The following ZNF613 variants were observed in gnomAD, a reference collection of about 807,000 sequenced individuals.
ZNF613 encodes the protein zinc finger protein 613.
Under a neutral mutation model 14.3 loss-of-function variants are expected in ZNF613, and 8 were observed. The ratio of observed to expected loss-of-function variants is 0.56; its 90% CI spans 0.33 to 1.01. The LOEUF (loss-of-function observed/expected upper bound fraction) is 1.01. ZNF613 is among the 50% of genes least tolerant of loss of function. ZNF613 has a pLI of 0.03. For missense variants in ZNF613, 656 were observed against 741.9 expected (o/e 0.88, Z 1.35); for synonymous variants, 228 against 254.5 (o/e 0.90, Z 0.99).
At chr19:51,939,608 G>A (rs936216268) in intron 3 of ZNF613, among the ~76,000 whole-genome samples, 1 of 152,158 alleles carries the variant, frequency 6.6e-6, no homozygotes, top group Non-Finnish European at 1.5e-5. Flanking sequence ...GGGATTACAG[G>A]TGTGAGCCAC....
chr19:51,940,199 C>T lies in ZNF613; in HGVS notation c.16-10C>T, dbSNP rs1235933365. 6.2e-7 allele frequency: 1 copy of T among 1,612,912 alleles called. No individual in the cohort carries two copies. The highest frequency in any genetic ancestry group is 1.1e-5 in the South Asian group (1 of 91,058). On this transcript the variant is annotated splice_polypyrimidine_tract_variant and intron_variant, in intron 3 of 5. Transcript: ENST00000293471. ...AATACTTCATATTAAGCAGGACTCT[C>T]TTATTACAGGAATCACTGACCCTGG...
chr19:51,940,102 A>G (rs1281737190), intron 3 of ZNF613, 107 bp from the exon 4 acceptor site: 1 of 1,415,866 alleles, frequency 7.1e-7, no homozygotes, highest in Non-Finnish European at 9.8e-7. Flanking sequence ...GCACCTAGAT[A>G]TATAGATGCA....
intron 1 of ZNF613, chr19:51,927,808 G>C (rs2085227060): frequency 6.6e-6 from 1 of 152,632 alleles, no homozygotes; most frequent in Non-Finnish European, 1.5e-5. Flanking sequence ...GGAGTGAGGA[G>C]TGGTTTTTGT....
Position 51,945,005 on chromosome 19 carries a change from C to T in ZNF613, c.1122C>T (p.Cys374=), listed in dbSNP as rs781349673. The change falls in exon 6 of 6, where the codon TGC becomes TGT. Residue 374 remains cysteine, a synonymous_variant. Transcript: ENST00000293471. ...ACACAGGAGAGAAGTCATATATATG[C>T]CGTGATTGTGGAAAAGGCTTCATTC... is the stretch of plus-strand genomic sequence containing the variant. ...KAHTGEKSYI[C]RDCGKGFIQK... is the part of the protein sequence containing the mutation. The T allele has an allele frequency of 3.7e-6, 6 of 1,613,990 alleles. No homozygotes were observed. Among genetic ancestry groups the T allele is most frequent in the East Asian group, 2.2e-5 (1 of 44,890 alleles).
At position 51,945,925 on chromosome 19, in the gene ZNF613, A is replaced by C. The variant is rs531645609; in HGVS notation, c.*188A>C. ...GAGACTGGGAAATTCTTTTATGGGA[A>C]GATAGATCTTCTCATCAGTGACCAT... On this transcript the variant is annotated 3_prime_UTR_variant, in exon 6 of 6. Transcript: ENST00000293471. 2 of 619,352 alleles carry C rather than the reference A, an allele frequency of 3.2e-6. No individual in the cohort carries two copies. Among genetic ancestry groups the C allele is most frequent in the African/African-American group, 3.7e-5 (2 of 54,268 alleles). The allele number at this position is 619,352 out of a possible 1,614,324, so 38.4% of individuals were successfully genotyped here.
chr19:51,945,782 A>G lies in ZNF613; in HGVS notation c.*45A>G, dbSNP rs780512883. The G allele has an allele frequency of 6.2e-7, 1 of 1,600,128 alleles. No homozygotes were observed. The highest frequency in any genetic ancestry group is 1.3e-5 in the African/African-American group (1 of 74,406). On this transcript the variant is annotated 3_prime_UTR_variant, in exon 6 of 6. Transcript: ENST00000293471. ...AATGTGGTAGTGCTTTCAGTGATCA[A>G]TTACATCATATGTCACAAAAAACAC...
At chr19:51,940,064 A>G in intron 3 of ZNF613, 145 bp from the exon 4 acceptor site, 1 of 1,014,082 alleles carries the variant, frequency 9.9e-7, no homozygotes, top group South Asian at 1.5e-5. Flanking sequence ...TTTTGCCTCT[A>G]TGACAATGTA....
chr19:51,937,549 G>A (rs2085313471), intron 3 of ZNF613, among the ~76,000 whole-genome samples: 1 of 152,068 alleles, frequency 6.6e-6, no homozygotes, highest in African/African-American at 2.4e-5. Flanking sequence ...GTCACCTTCT[G>A]TCTAATGTCT....
At chr19:51,943,602 T>A (rs566406846) in intron 5 of ZNF613, among the ~76,000 whole-genome samples, 2 of 152,338 alleles carry the variant, frequency 1.3e-5, no homozygotes, top group South Asian at 2.1e-4. Context: ...TTTTATTATT[T>A]GTTATTGTTA....
intron 2 of ZNF613, among the ~76,000 whole-genome samples, chr19:51,931,032 T>C (rs1316464904): frequency 6.6e-6 from 1 of 152,258 alleles, no homozygotes; most frequent in Non-Finnish European, 1.5e-5. Context: ...CCATTTTTCA[T>C]GTACTTATGA....
At chr19:51,940,805 G>A (rs2085343132) in intron 5 of ZNF613, 96 bp downstream of exon 5, 2 of 939,272 alleles carry the variant, frequency 2.1e-6, no homozygotes, top group Non-Finnish European at 3.1e-6. Context: ...CTGAGGCTGT[G>A]TGGACAGAGC....
In ZNF613 at chr19:51,944,845, G is replaced by T; in HGVS notation, c.962G>T (p.Cys321Phe). 6.2e-7 allele frequency: 1 copy of T among 1,613,768 alleles called. No homozygotes were observed. The highest frequency in any genetic ancestry group is 8.5e-7 in the Non-Finnish European group (1 of 1,180,000). Residue 321 changes from cysteine (C) to phenylalanine (F), a missense_variant, in exon 6 of 6, where the codon TGT becomes TTT. By Grantham distance (205) the Cys-to-Phe change is radical. Coordinates refer to ENST00000293471, the MANE Select transcript of ZNF613 (RefSeq NM_001031721.4). The stretch of plus-strand genomic sequence containing the variant: ...GAGAAACCACATGGATGCAGCCTGT[G>T]TGGGAAGGCCTTCTCCAAAAGGTCC... ...TGEKPHGCSL[C>F]GKAFSKRSRL...
At chr19:51,932,955 C>T (rs1158849773) in intron 2 of ZNF613, among the ~76,000 whole-genome samples, 1 of 152,140 alleles carries the variant, frequency 6.6e-6, no homozygotes, top group African/African-American at 2.4e-5. Context: ...GCTAGGATTA[C>T]AGGTGTGAGC....
intron 5 of ZNF613, among the ~76,000 whole-genome samples, chr19:51,943,335 A>G (rs1267755698): frequency 1.3e-5 from 2 of 152,210 alleles, no homozygotes; most frequent in Non-Finnish European, 2.9e-5. Context: ...GAAATAAACA[A>G]TTCTTAATTA....
chr19:51,939,349 G>T (rs2085329610), intron 3 of ZNF613, among the ~76,000 whole-genome samples: 1 of 151,452 alleles, frequency 6.6e-6, no homozygotes, highest in African/African-American at 2.4e-5. Context: ...TTTATTTTGA[G>T]ATGAAGTCTC....
Position 51,944,923 on chromosome 19 carries a change from C to A in ZNF613, c.1040C>A (p.Thr347Asn). Residue 347 changes from threonine (T) to asparagine (N), a missense_variant, in exon 6 of 6, where the codon ACT becomes AAT. By Grantham distance (65) the Thr-to-Asn change is moderately conservative. Transcript: ENST00000293471. ...ACAGGAGAGAAACCCTATGAATGCA[C>A]TGAATGTGACAAAGCATTCCGCTGG... ...THTGEKPYEC[T>N]ECDKAFRWKS... 2 of 1,613,682 alleles carry A rather than the reference C, an allele frequency of 1.2e-6. No individual in the cohort carries two copies. Among genetic ancestry groups the A allele is most frequent in the Non-Finnish European group, 1.7e-6 (2 of 1,179,898 alleles).
chr19:51,944,961 A>G lies in ZNF613; in HGVS notation c.1078A>G (p.Asn360Asp), dbSNP rs752381630. The G allele has an allele frequency of 1.9e-6, 3 of 1,614,104 alleles. No homozygotes were observed. The African/African-American group carries it at 4.0e-5, about 22-fold the overall frequency. The change falls in exon 6 of 6, where the codon AAT becomes GAT. Residue 360 changes from asparagine to aspartate, a missense_variant. Asn to Asp is a conservative substitution (Grantham distance 23). Transcript: ENST00000293471. ...AGCATTCCGCTGGAAATCACAGCTCAATGCACATCAGAAAGCTCACACAGG... is the reference window on the plus strand; with the variant it reads ...AGCATTCCGCTGGAAATCACAGCTCGATGCACATCAGAAAGCTCACACAGG... ...DKAFRWKSQL[N>D]AHQKAHTGEK...
intron 5 of ZNF613, among the ~76,000 whole-genome samples, chr19:51,943,301 G>A (rs2085365388): frequency 6.6e-6 from 1 of 152,212 alleles, no homozygotes; most frequent in South Asian, 2.1e-4. Context: ...ACTATGGTCT[G>A]AAAATGTTAA....
At position 51,944,543 on chromosome 19, in the gene ZNF613, C is replaced by T. The variant is rs763505542; in HGVS notation, c.660C>T (p.Ile220=). The T allele has an allele frequency of 6.2e-7, 1 of 1,613,928 alleles. No individual in the cohort carries two copies. ...CTTTCCTCAAGAAGTCTCGCCTCAT[C>T]TATCATCAGAGAGTTCACACTGGGG... The part of the protein sequence containing the change: ...GKAFLKKSRL[I]YHQRVHTGEK... The change falls in exon 6 of 6, where the codon ATC becomes ATT. Residue 220 remains isoleucine, a synonymous_variant. Transcript: ENST00000293471.
Sources: gnomAD v4.1 joint callset for allele counts (sites outside exome capture counted in the v4.1 genomes callset) on GRCh38, gnomAD v4.1.1 for gene constraint, MANE v1.5 for transcripts, NCBI Gene and HGNC (gene_info 2026-07-23, HGNC 2026-07-21) for gene names.